CRY1: variants seen among roughly 807,000 people sequenced by gnomAD.
CRY1 encodes cryptochrome circadian regulator 1, also known as cryptochrome-1.
Under a neutral mutation model 76.0 loss-of-function variants are expected in CRY1, and 45 were observed. The observed-to-expected ratio is 0.59, with a 90% CI of 0.47 to 0.76. The LOEUF (loss-of-function observed/expected upper bound fraction) is 0.76. Among genes scored for constraint, CRY1 ranks in the 30% least tolerant of loss-of-function variants. CRY1 has a pLI of 0.00. For synonymous variants in CRY1, 248 were observed against 244.0 expected (o/e 1.02, Z -0.15); for missense variants, 587 against 716.4 (o/e 0.82, Z 2.06).
chr12:106,997,530 T>C lies in CRY1; in HGVS notation c.1450A>G (p.Met484Val). Reference sequence around the variant, plus strand: ...GAAAGCTGCTGATAGATCTGTTTCATCCTTTCGATATTCAAACGGCTTGCC... The same window carrying C: ...GAAAGCTGCTGATAGATCTGTTTCACCCTTTCGATATTCAAACGGCTTGCC... ...AEASRLNIER[M>V]KQIYQQLSRY... is the part of the protein sequence containing the mutation. Residue 484 changes from methionine to valine, a missense_variant, in exon 9 of 13, where the codon ATG becomes GTG. Met to Val is a conservative substitution (Grantham distance 21). Transcript: ENST00000008527. The C allele has an allele frequency of 6.2e-7, 1 of 1,614,130 alleles. No homozygotes were observed. The highest frequency in any genetic ancestry group is 8.5e-7 in the Non-Finnish European group (1 of 1,180,002).
rs145528435 is a variant in CRY1 at position 107,033,835 on chromosome 12, C to T, written c.159-11643G>A. Among the ~76,000 whole-genome samples the T allele has an allele frequency of 2.0e-5, 3 of 149,418 alleles. No homozygotes were observed. The East Asian group carries it at 5.8e-4, about 29-fold the overall frequency. On this transcript the variant is annotated intron_variant, in intron 1 of 12. Transcript: ENST00000008527. ...ATCGGAAAGAAGACAAAGATGCCTACTCCCACCGCTTCTCTATGCAATCTA... is the reference window on the plus strand; with the variant it reads ...ATCGGAAAGAAGACAAAGATGCCTATTCCCACCGCTTCTCTATGCAATCTA...
intron 3 of CRY1, among the ~76,000 whole-genome samples, chr12:107,003,888 C>T (rs757952249): frequency 2.0e-5 from 3 of 150,410 alleles, no homozygotes; most frequent in Non-Finnish European, 4.4e-5. Context: ...CTCACTGCAA[C>T]GTCTGCCTCC....
chr12:107,009,589 TATATATATATATAA>T (rs1297630830), intron 2 of CRY1, among the ~76,000 whole-genome samples: 1,766 of 77,078 alleles, frequency 0.023, 107 homozygotes, highest in African/African-American at 0.12. Context: ...TATATATATA[TATATATATATATAA>T]AATCTCTATA....
At chr12:107,047,585 A>G (rs1167118084) in intron 1 of CRY1, among the ~76,000 whole-genome samples, 1 of 152,112 alleles carries the variant, frequency 6.6e-6, no homozygotes, top group Non-Finnish European at 1.5e-5. Context: ...ATGATTTTAT[A>G]AGAAGCTTCC....
At position 107,000,044 on chromosome 12, in the gene CRY1, C is replaced by T. The variant is rs747161939; in HGVS notation, c.723G>A (p.Ala241=). The T allele has an allele frequency of 5.0e-6, 8 of 1,609,610 alleles. No individual in the cohort carries two copies. The highest frequency in any genetic ancestry group is 2.2e-5 in the South Asian group (2 of 89,312). Residue 241 remains alanine, a synonymous_variant, in exon 6 of 13, where the codon GCG becomes GCA. Transcript: ENST00000008527. The part of the protein sequence containing the change: ...VANFERPRMN[A]NSLLASPTGL... Reference sequence around the variant, plus strand: ...CAGTAGGGCTTGCAAGCAGAGAATTCGCATTCATTCGAGGTCTTTCAAAAT... The same window carrying T: ...CAGTAGGGCTTGCAAGCAGAGAATTTGCATTCATTCGAGGTCTTTCAAAAT...
At position 107,092,632 on chromosome 12, in the gene CRY1, C is replaced by A. The variant is rs189053203; in HGVS notation, c.158+172G>T. 6.6e-5 allele frequency among the ~76,000 whole-genome samples: 10 copies of A among 152,270 alleles called. No homozygotes were observed. The East Asian group carries it at 1.9e-3, about 29-fold the overall frequency. ...GTTTCAGGTCGTCAGTACTCTTTGGCCAGAGAAGTATTAAGTCAATTCTAT... is the reference window on the plus strand; with the variant it reads ...GTTTCAGGTCGTCAGTACTCTTTGGACAGAGAAGTATTAAGTCAATTCTAT... On this transcript the variant is annotated intron_variant, in intron 1 of 12. Coordinates refer to ENST00000008527, the MANE Select transcript of CRY1 (RefSeq NM_004075.5).
chr12:107,091,921 C>T lies in CRY1; in HGVS notation c.158+883G>A, dbSNP rs149293290. ...TCATACTTAAAATTGCAACCCCATC[C>T]CTACCCTTGTATTCTTTATCCCTTT... On this transcript the variant is annotated intron_variant, in intron 1 of 12. Transcript: ENST00000008527. Among the ~76,000 whole-genome samples the T allele has an allele frequency of 1.2e-3, 183 of 152,318 alleles. 2 individuals are homozygous for T. Among genetic ancestry groups the T allele is most frequent in the African/African-American group, 4.3e-3 (179 of 41,562 alleles).
Position 107,005,249 on chromosome 12 carries a change from C to T in CRY1, c.268-1G>A, listed in dbSNP as rs1384226304. ...TTGAAAGTTTAGTAATGTTCCATTC[C>T]TAAAGTAAGAGAAAGGGGAACAATG... On this transcript the variant is annotated splice_acceptor_variant, in intron 2 of 12. Coordinates refer to ENST00000008527, the MANE Select transcript of CRY1 (RefSeq NM_004075.5). LOFTEE classifies it high-confidence loss of function. 1 of 1,607,088 alleles carries T rather than the reference C, an allele frequency of 6.2e-7. No individual in the cohort carries two copies. Among genetic ancestry groups the T allele is most frequent in the Non-Finnish European group, 8.5e-7 (1 of 1,177,236 alleles).
At chr12:107,087,654 GGAA>G (rs1953419173) in intron 1 of CRY1, among the ~76,000 whole-genome samples, 2 of 152,148 alleles carry the variant, frequency 1.3e-5, no homozygotes, top group Non-Finnish European at 2.9e-5. Context: ...ATAGCTATAA[GGAA>G]TCTGCCTTGA....
intron 1 of CRY1, among the ~76,000 whole-genome samples, chr12:107,027,216 C>T (rs1320943711): frequency 1.3e-5 from 2 of 152,100 alleles, no homozygotes; most frequent in Non-Finnish European, 2.9e-5. Flanking sequence ...TTCCAAAGAA[C>T]ACACCAAGTT....
chr12:106,995,953 C>T (rs549699692), intron 10 of CRY1, among the ~76,000 whole-genome samples: 1 of 152,304 alleles, frequency 6.6e-6, no homozygotes, highest in African/African-American at 2.4e-5. Context: ...AAGTGATTCT[C>T]CTGCCTCAGC....
At chr12:107,082,365 A>G (rs528159660) in intron 1 of CRY1, among the ~76,000 whole-genome samples, 67 of 152,228 alleles carry the variant, frequency 4.4e-4, no homozygotes, top group African/African-American at 1.6e-3. Flanking sequence ...CATCTACAGA[A>G]CTCTCTACCC....
intron 2 of CRY1, among the ~76,000 whole-genome samples, chr12:107,006,641 T>TTG (rs1400230784): frequency 6.6e-6 from 1 of 150,424 alleles, no homozygotes; most frequent in Admixed American, 6.6e-5. Context: ...TAGTAATCTT[T>TTG]TTTTTTTTTT....
chr12:106,993,547 T>G (rs187365576), intron 10 of CRY1, among the ~76,000 whole-genome samples: 26 of 151,936 alleles, frequency 1.7e-4, no homozygotes, highest in Non-Finnish European at 2.9e-4. Context: ...AACACTATTA[T>G]AGGAGAATAG....
chr12:107,000,444 C>T (rs967787641), intron 5 of CRY1, among the ~76,000 whole-genome samples: 2 of 151,264 alleles, frequency 1.3e-5, no homozygotes, highest in African/African-American at 2.4e-5. Flanking sequence ...CTCCAGCTCC[C>T]GGGTGGAGGA....
chr12:107,049,854 T>C (rs1029849851), intron 1 of CRY1: 14 of 152,200 alleles, frequency 9.2e-5, no homozygotes, highest in African/African-American at 3.4e-4. Context: ...TTGAAGTGCC[T>C]ATGAGACATC....
chr12:107,052,329 C>T (rs1451899503), intron 1 of CRY1, among the ~76,000 whole-genome samples: 1 of 152,118 alleles, frequency 6.6e-6, no homozygotes, highest in Non-Finnish European at 1.5e-5. Flanking sequence ...ACCACAAGGG[C>T]AGTCCCTTGA....
At chr12:107,063,709 T>C (rs1018095401) in intron 1 of CRY1, among the ~76,000 whole-genome samples, 2 of 152,226 alleles carry the variant, frequency 1.3e-5, no homozygotes, top group Non-Finnish European at 2.9e-5. Context: ...GTGATTCTCC[T>C]GCCTCAGCCT....
chr12:107,046,995 A>C (rs948032287), intron 1 of CRY1, among the ~76,000 whole-genome samples: 20 of 152,272 alleles, frequency 1.3e-4, no homozygotes, highest in Non-Finnish European at 2.5e-4. Flanking sequence ...ACAAAGAAAC[A>C]CTGGACTTAA....
Sources: gnomAD v4.1 joint callset for allele counts (sites outside exome capture counted in the v4.1 genomes callset) on GRCh38, gnomAD v4.1.1 for gene constraint, MANE v1.5 for transcripts, NCBI Gene and HGNC (gene_info 2026-07-23, HGNC 2026-07-21) for gene names.